TOR1AIP1: variants seen among roughly 807,000 people sequenced by gnomAD.
The protein encoded by TOR1AIP1 is torsin 1A interacting protein 1, also known as torsin-1A-interacting protein 1.
A neutral mutation model predicts 63.3 loss-of-function variants in TOR1AIP1; 54 were observed. The observed-to-expected ratio is 0.85, with a 90% confidence interval of 0.69 to 1.07. TOR1AIP1 has a LOEUF of 1.07. Among genes scored for constraint, TOR1AIP1 ranks in the 50% least tolerant of loss-of-function variants. TOR1AIP1 has a pLI of 0.00. For missense variants in TOR1AIP1, 736 were observed against 715.0 expected (o/e 1.03, Z -0.33); for synonymous variants, 294 against 273.5 (o/e 1.07, Z -0.74).
At chr1:179,889,185 T>A in intron 2 of TOR1AIP1, 128 bp from the exon 3 acceptor site, 1 of 591,508 alleles carries the variant, frequency 1.7e-6, no homozygotes, top group Non-Finnish European at 2.7e-6. Context: ...AAAGCTTGTC[T>A]CTACTTCTCT....
chr1:179,910,830 G>A (rs1468802033), intron 8 of TOR1AIP1, among the ~76,000 whole-genome samples: 1 of 152,166 alleles, frequency 6.6e-6, no homozygotes, highest in Non-Finnish European at 1.5e-5. Context: ...TTCCAGATAA[G>A]TGAAGTTAGT....
At position 179,884,730 on chromosome 1, in the gene TOR1AIP1, A is replaced by G. The variant is rs1571720874; in HGVS notation, c.514A>G (p.Ile172Val). ...ASSQTDLSQT[I>V]SKKTVRSIQE... ...TTCCCAAACTGATTTAAGCCAAACG[A>G]TCTCAAAGAAAACTGTCAGGAGCAT... Residue 172 changes from isoleucine to valine, a missense_variant, in exon 2 of 10, where the codon ATC (isoleucine) becomes GTC (valine). Coordinates refer to ENST00000606911, the MANE Select transcript of TOR1AIP1 (RefSeq NM_015602.4). 1 of 1,612,228 alleles carries G rather than the reference A, an allele frequency of 6.2e-7. No individual in the cohort carries two copies. The highest frequency in any genetic ancestry group is 8.5e-7 in the Non-Finnish European group (1 of 1,179,360).
intron 5 of TOR1AIP1, among the ~76,000 whole-genome samples, chr1:179,902,437 G>A (rs1406032450): frequency 1.3e-5 from 2 of 151,872 alleles, no homozygotes; most frequent in Non-Finnish European, 2.9e-5. Context: ...ACCCAGGTTT[G>A]AGTGCAGTGA....
chr1:179,898,949 GA>G (rs1165076227), intron 3 of TOR1AIP1, among the ~76,000 whole-genome samples: 2 of 151,778 alleles, frequency 1.3e-5, no homozygotes, highest in Non-Finnish European at 2.9e-5. Context: ...TTCAGATACT[GA>G]TTTGCACTTG....
At chr1:179,885,863 C>T (rs1302067162) in intron 2 of TOR1AIP1, among the ~76,000 whole-genome samples, 1 of 152,128 alleles carries the variant, frequency 6.6e-6, no homozygotes, top group Non-Finnish European at 1.5e-5. Flanking sequence ...GCCATAGCCT[C>T]CTGAGTAGCT....
In TOR1AIP1 at chr1:179,884,365, T is replaced by G. The variant is rs78232476; in HGVS notation, c.476-327T>G. Reference sequence around the variant, plus strand: ...AATTTACCCCTATTTTATTAAATCTTTAAGGATCTAAACATTTTTCACTCT... The same window carrying G: ...AATTTACCCCTATTTTATTAAATCTGTAAGGATCTAAACATTTTTCACTCT... On this transcript the variant is annotated intron_variant, in intron 1 of 9. Transcript: ENST00000606911. 6.6e-3 allele frequency among the ~76,000 whole-genome samples: 1,003 copies of G among 152,322 alleles called. 4 individuals carry two copies. Among genetic ancestry groups the G allele is most frequent in the Non-Finnish European group, 9.9e-3 (675 of 68,018 alleles).
chr1:179,905,416 C>A (rs541138167), intron 6 of TOR1AIP1, among the ~76,000 whole-genome samples: 8 of 151,932 alleles, frequency 5.3e-5, no homozygotes, highest in Non-Finnish European at 1.2e-4. Context: ...CTTTGGAAAT[C>A]TTTTTTAAAA....
In TOR1AIP1 at chr1:179,882,918, C is replaced by A. The variant is rs777161352; in HGVS notation, c.416C>A (p.Pro139Gln). ...CAGCAGCAGCACTCAGAGCAGCCTC[C>A]GCTACAGCCGTCTCCTGTTATGACC... is the stretch of plus-strand genomic sequence containing the variant. ...RLQQQHSEQP[P>Q]LQPSPVMTRR... Residue 139 changes from proline to glutamine, a missense_variant, in exon 1 of 10, where the codon CCG becomes CAG. This residue lies in a region of TOR1AIP1 where 464 missense variants were observed against 371.0 expected (regional missense o/e 1.25). Coordinates refer to ENST00000606911, the MANE Select transcript of TOR1AIP1 (RefSeq NM_015602.4). The A allele has an allele frequency of 1.9e-6, 3 of 1,614,078 alleles. No individual in the cohort carries two copies. Among genetic ancestry groups the A allele is most frequent in the Non-Finnish European group, 2.5e-6 (3 of 1,180,018 alleles).
intron 6 of TOR1AIP1, among the ~76,000 whole-genome samples, chr1:179,905,390 GA>G (rs1648601268): frequency 2.0e-5 from 3 of 151,162 alleles, no homozygotes; most frequent in South Asian, 4.2e-4. Context: ...CAAGAAAAAA[GA>G]AAAAAAGAAA....
intron 6 of TOR1AIP1, 123 bp downstream of exon 6, chr1:179,904,145 A>G: frequency 1.4e-6 from 1 of 699,262 alleles, no homozygotes; most frequent in Non-Finnish European, 2.3e-6. Flanking sequence ...AATGCTAAAA[A>G]AAAACTTATC....
chr1:179,914,060 T>G lies in TOR1AIP1; in HGVS notation c.964+6T>G. 1.9e-6 allele frequency: 3 copies of G among 1,611,896 alleles called. No homozygotes were observed. The highest frequency in any genetic ancestry group is 2.7e-5 in the African/African-American group (2 of 74,958). On this transcript the variant is annotated splice_donor_region_variant and intron_variant, in intron 9 of 9. Transcript: ENST00000606911. Reference sequence around the variant, plus strand: ...ACCATCAACCTCCAGCCGACGTAAGTTTATGTATTCAGTTTTTATTAAATA... The same window carrying G: ...ACCATCAACCTCCAGCCGACGTAAGGTTATGTATTCAGTTTTTATTAAATA...
intron 9 of TOR1AIP1, among the ~76,000 whole-genome samples, chr1:179,917,248 T>A (rs914287374): frequency 6.6e-6 from 1 of 152,234 alleles, no homozygotes; most frequent in Non-Finnish European, 1.5e-5. Flanking sequence ...TGCATATTTG[T>A]ACACATAATT....
At position 179,907,253 on chromosome 1, in the gene TOR1AIP1, C is replaced by G. The variant is rs914610438; in HGVS notation, c.797-570C>G. Among the ~76,000 whole-genome samples, 6 of 150,950 alleles carry G rather than the reference C, an allele frequency of 4.0e-5. 1 individual carries two copies. Among genetic ancestry groups the G allele is most frequent in the Admixed American group, 2.0e-4 (3 of 15,166 alleles). ...ACCAGCCTGGCCAACATGGGGAAAC[C>G]CTGTCTCTACTAAAAAGACAAAAAA... On this transcript the variant is annotated intron_variant, in intron 6 of 9. Transcript: ENST00000606911.
intron 3 of TOR1AIP1, among the ~76,000 whole-genome samples, chr1:179,892,709 G>GC (rs1420565451): frequency 6.9e-6 from 1 of 145,018 alleles, no homozygotes; most frequent in African/African-American, 2.6e-5. Flanking sequence ...CTGCACTCCA[G>GC]CCTGGGGGAC....
chr1:179,898,748 A>T (rs963543406), intron 3 of TOR1AIP1, among the ~76,000 whole-genome samples: 10 of 152,146 alleles, frequency 6.6e-5, no homozygotes, highest in East Asian at 3.9e-4. Context: ...CTTAAAAAAA[A>T]TTTTTTTCGT....
intron 3 of TOR1AIP1, among the ~76,000 whole-genome samples, chr1:179,890,289 G>GT (rs141505286): frequency 1.0e-3 from 156 of 152,048 alleles, no homozygotes; most frequent in Non-Finnish European, 9.6e-4. Flanking sequence ...CATTTTCCTT[G>GT]TTTTTTTGGC....
Position 179,918,522 on chromosome 1 carries a change from C to G in TOR1AIP1, c.*283C>G, listed in dbSNP as rs947254786. On this transcript the variant is annotated 3_prime_UTR_variant, in exon 10 of 10. Transcript: ENST00000606911. ...GTTTTGATTCTGGGCTGAGTTATTA[C>G]AGTTATGGTATGACCAGTGAGAGGG... 8 of 319,992 alleles carry G rather than the reference C, an allele frequency of 2.5e-5. No homozygotes were observed. Among genetic ancestry groups the G allele is most frequent in the Non-Finnish European group, 2.9e-5 (5 of 174,422 alleles). 19.8% of individuals were successfully genotyped at this position (319,992 alleles called of 1,614,324 possible).
At chr1:179,896,696 G>A (rs1226485607) in intron 3 of TOR1AIP1, among the ~76,000 whole-genome samples, 1 of 152,126 alleles carries the variant, frequency 6.6e-6, no homozygotes, top group Non-Finnish European at 1.5e-5. Flanking sequence ...GCAGAATGAG[G>A]ACGGAGACTT....
At chr1:179,889,414 G>T in intron 3 of TOR1AIP1, 45 bp downstream of exon 3, 2 of 1,493,640 alleles carry the variant, frequency 1.3e-6, no homozygotes, top group Non-Finnish European at 1.9e-6. Context: ...TATAAATACA[G>T]TTTTATTTTT....
Sources: gnomAD v4.1 joint callset for allele counts (sites outside exome capture counted in the v4.1 genomes callset) on GRCh38, gnomAD v4.1.1 for gene constraint, gnomAD v4.1.1 regional missense constraint, MANE v1.5 for transcripts, NCBI Gene and HGNC (gene_info 2026-07-23, HGNC 2026-07-21) for gene names.